The following RNF157 variants were observed in gnomAD, a reference collection of about 807,000 sequenced individuals.
RNF157 encodes the protein ring finger protein 157, also known as E3 ubiquitin ligase RNF157.
Under a neutral mutation model 88.3 loss-of-function variants are expected in RNF157, and 55 were observed. The observed-to-expected ratio is 0.62, with a 90% CI of 0.50 to 0.78. The LOEUF (loss-of-function observed/expected upper bound fraction) is 0.78, where lower values mean the gene tolerates loss of function less well. Ranked by LOEUF, RNF157 falls within the 30% of genes least tolerant of loss-of-function variation. The pLI, the probability that RNF157 is intolerant of heterozygous loss-of-function variation, is 0.00. For missense variants in RNF157, 788 were observed against 860.8 expected, an observed-to-expected ratio of 0.92 and a Z score of 1.06; for synonymous variants, 334 against 341.2, an observed-to-expected ratio of 0.98 and a Z score of 0.23.
intron 13 of RNF157, among the ~76,000 whole-genome samples, chr17:76,156,955 CT>C (rs1184854706): frequency 6.0e-5 from 9 of 148,894 alleles, no homozygotes; most frequent in Non-Finnish European, 9.0e-5. Flanking sequence ...CGCAGTCCTT[CT>C]TTTTTTTTTC....
Position 76,240,141 on chromosome 17 carries a change from G to C in RNF157, c.88+12C>G. On this transcript the variant is annotated intron_variant, in intron 1 of 18. Transcript: ENST00000269391. The surrounding 1 kb of genome is among the most constrained non-coding windows in gnomAD (Gnocchi z 4.4). Reference sequence around the variant, plus strand: ...CTCCCTCCTCGCGGCTGCGGCGCCCGCCCGCCCTCACCGGACTTGGGCGGG... The same window carrying C: ...CTCCCTCCTCGCGGCTGCGGCGCCCCCCCGCCCTCACCGGACTTGGGCGGG... 1 of 1,319,528 alleles carries C rather than the reference G, an allele frequency of 7.6e-7. No individual in the cohort carries two copies. The highest frequency in any genetic ancestry group is 9.8e-7 in the Non-Finnish European group (1 of 1,022,010). The allele number at this position is 1,319,528 out of a possible 1,614,324, so 81.7% of individuals were successfully genotyped here. A position where few individuals can be genotyped will look rare whatever the true frequency, so the allele number is the denominator to read the frequency against.
At chr17:76,154,187 C>A in intron 17 of RNF157, 96 bp downstream of exon 17, 2 of 881,744 alleles carry the variant, frequency 2.3e-6, no homozygotes, top group Non-Finnish European at 3.8e-6. Flanking sequence ...CTGAGCAGCG[C>A]CACCACGTCA....
intron 2 of RNF157, among the ~76,000 whole-genome samples, chr17:76,199,286 T>C (rs1356551686): frequency 6.6e-6 from 1 of 152,208 alleles, no homozygotes; most frequent in Non-Finnish European, 1.5e-5. Flanking sequence ...TGTACTTATA[T>C]TCCAAATTGG....
Position 76,164,626 on chromosome 17 carries a change from A to G in RNF157, c.720+122T>C, listed in dbSNP as rs915313987. 37 of 451,860 alleles carry G rather than the reference A, an allele frequency of 8.2e-5. No individual in the cohort carries two copies. The Admixed American group carries it at 1.2e-3, about 14-fold the overall frequency. The allele number at this position is 451,860 out of a possible 1,614,324, so 28.0% of individuals were successfully genotyped here. On this transcript the variant is annotated intron_variant, in intron 8 of 18. Coordinates refer to ENST00000269391, the MANE Select transcript of RNF157 (RefSeq NM_052916.3). ...CTTCTTTGATTAAAAAAAAAAAAAG[A>G]GGAAAAGGAGAGAGCAAAAAGTAAA...
rs144140755 is a variant in RNF157, at chr17:76,207,640, G to A, written c.207+4724C>T. Among the ~76,000 whole-genome samples, 12 of 152,296 alleles carry A rather than the reference G, an allele frequency of 7.9e-5. No individual in the cohort carries two copies. The East Asian group carries it at 2.3e-3, about 29-fold the overall frequency. On this transcript the variant is annotated intron_variant, in intron 2 of 18. Coordinates refer to ENST00000269391, the MANE Select transcript of RNF157 (RefSeq NM_052916.3). ...TTCACTCTCTCTGCAAAGAGGAGTC[G>A]TTCTTGCCGCATGCTGCTGGATGGC... is the stretch of plus-strand genomic sequence containing the variant.
intron 2 of RNF157, chr17:76,212,140 G>C: frequency 4.5e-6 from 2 of 448,276 alleles, no homozygotes; most frequent in Non-Finnish European, 8.0e-6. Flanking sequence ...AGCTTAATTT[G>C]TGAGACTCAT....
In RNF157 at chr17:76,145,144, G is replaced by T; in HGVS notation, c.*91C>A. On this transcript the variant is annotated 3_prime_UTR_variant, in exon 19 of 19. Coordinates refer to ENST00000269391, the MANE Select transcript of RNF157 (RefSeq NM_052916.3). ...GTCACAGGAGGGTAAAAAGTCTCCA[G>T]CATCTTGCTGAGGATGCCCAGTAGG... 2 of 795,134 alleles carry T rather than the reference G, an allele frequency of 2.5e-6. No homozygotes were observed. The highest frequency in any genetic ancestry group is 4.1e-6 in the Non-Finnish European group (2 of 484,274). The allele number at this position is 795,134 out of a possible 1,614,324, so 49.3% of individuals were successfully genotyped here.
In RNF157 at chr17:76,145,110, G is replaced by T. The variant is rs945638110; in HGVS notation, c.*125C>A. 1 of 629,920 alleles carries T rather than the reference G, an allele frequency of 1.6e-6. No homozygotes were observed. The highest frequency in any genetic ancestry group is 2.8e-5 in the Admixed American group (1 of 35,380). The allele number at this position is 629,920 out of a possible 1,614,324, so 39.0% of individuals were successfully genotyped here. On this transcript the variant is annotated 3_prime_UTR_variant, in exon 19 of 19. Transcript: ENST00000269391. ...AGGTGAGGGATTGTGGTTACAGGTT[G>T]TAACAGCTGTCACAGGAGGGTAAAA...
chr17:76,208,855 T>A lies in RNF157; in HGVS notation c.207+3509A>T, dbSNP rs9891964. 4.1e-4 allele frequency among the ~76,000 whole-genome samples: 62 copies of A among 151,890 alleles called. 1 individual carries two copies. Among genetic ancestry groups the A allele is most frequent in the African/African-American group, 8.5e-4 (35 of 41,380 alleles). On this transcript the variant is annotated intron_variant, in intron 2 of 18. Transcript: ENST00000269391. ...CAGGTGTGGTGGCAGGCACCTGTAA[T>A]CCCAGCTAGTCAGGAGGCTGAGGCA...
chr17:76,175,775 T>C lies in RNF157; in HGVS notation c.208-1985A>G, dbSNP rs2069093094. ...GCATTTCAAAAAAAAGATGCGTCTT[T>C]TCCCTTATTCTTTACTCTTTCTCCT... is the stretch of plus-strand genomic sequence containing the variant. On this transcript the variant is annotated intron_variant, in intron 2 of 18. Transcript: ENST00000269391. 1.4e-5 allele frequency: 14 copies of C among 985,306 alleles called. 1 individual carries two copies. The South Asian group carries it at 5.6e-4, about 40-fold the overall frequency. The allele number at this position is 985,306 out of a possible 1,614,324, so 61.0% of individuals were successfully genotyped here.
chr17:76,177,938 C>T (rs1399818969), intron 2 of RNF157, among the ~76,000 whole-genome samples: 5 of 152,206 alleles, frequency 3.3e-5, no homozygotes, highest in Admixed American at 6.5e-5. Flanking sequence ...TATGCTAGGA[C>T]ACTTGTCAGG....
intron 2 of RNF157, among the ~76,000 whole-genome samples, chr17:76,208,008 T>C (rs1365065678): frequency 6.6e-6 from 1 of 152,092 alleles, no homozygotes; most frequent in Non-Finnish European, 1.5e-5. Flanking sequence ...CTTGGCATCC[T>C]GGGCTCAAGT....
At chr17:76,168,702 G>A (rs924908998) in intron 3 of RNF157, among the ~76,000 whole-genome samples, 1 of 152,056 alleles carries the variant, frequency 6.6e-6, no homozygotes, top group Non-Finnish European at 1.5e-5. Context: ...CATGTTTCCT[G>A]CACCTCAAGT....
intron 2 of RNF157, among the ~76,000 whole-genome samples, chr17:76,199,919 A>C (rs2069544155): frequency 6.6e-6 from 1 of 152,208 alleles, no homozygotes; most frequent in Non-Finnish European, 1.5e-5. Flanking sequence ...CTGAACCTAC[A>C]ACAAGCCTAC....
chr17:76,205,284 G>T (rs1207978619), intron 2 of RNF157, among the ~76,000 whole-genome samples: 3 of 151,608 alleles, frequency 2.0e-5, no homozygotes, highest in African/African-American at 7.3e-5. Flanking sequence ...GAATATAGGT[G>T]TGTACCACCA....
intron 18 of RNF157, chr17:76,147,307 C>G: frequency 1.0e-6 from 1 of 985,676 alleles, no homozygotes; most frequent in Non-Finnish European, 1.2e-6. Flanking sequence ...TCCGGAGCTG[C>G]GGCTGTTCAG....
intron 2 of RNF157, among the ~76,000 whole-genome samples, chr17:76,194,424 A>C (rs2069439200): frequency 6.6e-6 from 1 of 152,230 alleles, no homozygotes; most frequent in Non-Finnish European, 1.5e-5. Context: ...AGCCAGTCTG[A>C]TGGTGGGAAG....
intron 1 of RNF157, among the ~76,000 whole-genome samples, chr17:76,230,955 T>C (rs2070181904): frequency 6.6e-6 from 1 of 150,808 alleles, no homozygotes; most frequent in East Asian, 1.9e-4. Context: ...TTTTCTTTTT[T>C]AAAGTTAGGG....
chr17:76,158,048 T>C (rs2068792186), intron 13 of RNF157, among the ~76,000 whole-genome samples: 1 of 152,134 alleles, frequency 6.6e-6, no homozygotes, highest in African/African-American at 2.4e-5. Flanking sequence ...CCTTCCCACA[T>C]GTCACACATG....
Sources: gnomAD v4.1 joint callset for allele counts (sites outside exome capture counted in the v4.1 genomes callset) on GRCh38, gnomAD v4.1.1 for gene constraint, Gnocchi (gnomAD v3.1) non-coding constraint, MANE v1.5 for transcripts, NCBI Gene and HGNC (gene_info 2026-07-23, HGNC 2026-07-21) for gene names.